The following PLEKHA6 variants were observed in gnomAD, a reference collection of about 807,000 sequenced individuals.
The protein encoded by PLEKHA6 is pleckstrin homology domain containing A6, also known as pleckstrin homology domain-containing family A member 6.
A neutral mutation model predicts 116.7 loss-of-function variants in PLEKHA6; 60 were observed. The ratio of observed to expected loss-of-function variants is 0.51; its 90% CI spans 0.42 to 0.64. PLEKHA6 has a LOEUF of 0.64. PLEKHA6 is among the 30% of genes least tolerant of loss of function. The pLI, the probability that PLEKHA6 is intolerant of heterozygous loss-of-function variation, is 0.00. For missense variants in PLEKHA6, 1,338 were observed against 1,422.7 expected, an observed-to-expected ratio of 0.94 and a Z score of 0.96; for synonymous variants, 489 against 556.1, an observed-to-expected ratio of 0.88 and a Z score of 1.70.
upstream of PLEKHA6, among the ~76,000 whole-genome samples, chr1:204,364,497 C>T (rs1415203745): frequency 2.0e-5 from 3 of 152,134 alleles, no homozygotes; most frequent in East Asian, 1.9e-4. Context: ...TTGCTAAAAG[C>T]GGGATGATAG....
At chr1:204,310,954 A>G (rs1671636162) in intron 1 of PLEKHA6, among the ~76,000 whole-genome samples, 1 of 152,190 alleles carries the variant, frequency 6.6e-6, no homozygotes, top group Non-Finnish European at 1.5e-5. Flanking sequence ...CCTAATTCCA[A>G]TCTCTAGTGC....
chr1:204,328,629 G>T (rs200151556), intron 1 of PLEKHA6, among the ~76,000 whole-genome samples: 2 of 151,970 alleles, frequency 1.3e-5, no homozygotes, highest in African/African-American at 4.8e-5. Context: ...CAGGTGATCC[G>T]TCAGCCTCAG....
chr1:204,359,530 C>T (rs78057803), intron 1 of PLEKHA6, 164 bp downstream of exon 1: 5 of 807,668 alleles, frequency 6.2e-6, no homozygotes, highest in Admixed American at 6.2e-5. Flanking sequence ...TTCTCAGCAT[C>T]CATGATCCCC....
At chr1:204,290,391 A>G (rs1012957224) in intron 1 of PLEKHA6, among the ~76,000 whole-genome samples, 2 of 152,240 alleles carry the variant, frequency 1.3e-5, no homozygotes, top group South Asian at 2.1e-4. Flanking sequence ...ATTTTGGTCA[A>G]TTGGTTTTTG....
chr1:204,299,589 A>G (rs535440743), intron 1 of PLEKHA6: 5 of 977,794 alleles, frequency 5.1e-6, no homozygotes, highest in African/African-American at 3.5e-5. Flanking sequence ...GAGGACAGCC[A>G]TTATTGAGGG....
intron 15 of PLEKHA6, among the ~76,000 whole-genome samples, chr1:204,243,748 T>C (rs1225481577): frequency 6.6e-6 from 1 of 152,226 alleles, no homozygotes; most frequent in African/African-American, 2.4e-5. Flanking sequence ...TCTTGGTCCA[T>C]AGGATGCTGG....
intron 1 of PLEKHA6, chr1:204,282,572 G>T: frequency 1.1e-6 from 1 of 894,274 alleles, no homozygotes; most frequent in Non-Finnish European, 1.3e-6. Flanking sequence ...CAAGACTCCA[G>T]GCCAGCATCC....
intron 17 of PLEKHA6, among the ~76,000 whole-genome samples, chr1:204,233,005 G>A (rs1661409658): frequency 6.6e-6 from 1 of 151,962 alleles, no homozygotes; most frequent in Non-Finnish European, 1.5e-5. Context: ...GTCTCACTAT[G>A]TTGCCCACAC....
chr1:204,303,580 T>G (rs1411917015), intron 1 of PLEKHA6, among the ~76,000 whole-genome samples: 23 of 152,212 alleles, frequency 1.5e-4, no homozygotes, highest in Non-Finnish European at 2.9e-5. Flanking sequence ...TTCTGGCAGC[T>G]GGGCACCTGT....
intron 3 of PLEKHA6, among the ~76,000 whole-genome samples, chr1:204,366,997 C>T (rs911670150): frequency 2.0e-5 from 3 of 152,204 alleles, no homozygotes; most frequent in East Asian, 1.9e-4. Context: ...TGGGCAGAGG[C>T]GCTTCACCAT....
At chr1:204,333,011 G>A (rs1332675115) in intron 1 of PLEKHA6, among the ~76,000 whole-genome samples, 2 of 152,210 alleles carry the variant, frequency 1.3e-5, no homozygotes, top group African/African-American at 4.8e-5. Flanking sequence ...TAGGGAGGAG[G>A]AGGCAGGTTT....
At chr1:204,325,876 G>A (rs1672224169) in intron 1 of PLEKHA6, 1 of 981,150 alleles carries the variant, frequency 1.0e-6, no homozygotes, top group South Asian at 4.7e-5. Context: ...AGCATGGGGA[G>A]AAGTAGTAGC....
intron 17 of PLEKHA6, among the ~76,000 whole-genome samples, chr1:204,237,815 T>C (rs1382767160): frequency 6.6e-6 from 1 of 152,276 alleles, no homozygotes; most frequent in East Asian, 1.9e-4. Flanking sequence ...TTCCGCAAGA[T>C]ATCACACTGG....
At position 204,248,975 on chromosome 1, in the gene PLEKHA6, A is replaced by G; in HGVS notation, c.1675-5T>C. 1 of 1,613,758 alleles carries G rather than the reference A, an allele frequency of 6.2e-7. No individual in the cohort carries two copies. Among genetic ancestry groups the G allele is most frequent in the Non-Finnish European group, 8.5e-7 (1 of 1,179,808 alleles). ...CAAGGCACTTTCCAGGCTCTCCTGA[A>G]GAAAGGCAGGGGAATGACATGAGCA... On this transcript the variant is annotated splice_region_variant and splice_polypyrimidine_tract_variant and intron_variant, in intron 11 of 22. Transcript: ENST00000272203.
Position 204,257,515 on chromosome 1 carries a change from G to A in PLEKHA6, c.1362C>T (p.His454=), listed in dbSNP as rs1264727446. 9 of 1,590,540 alleles carry A rather than the reference G, an allele frequency of 5.7e-6. No homozygotes were observed. The African/African-American group carries it at 9.4e-5, about 17-fold the overall frequency. ...LRRLSLQPRS[H]SVPRSPSQGS... ...CCTGGCTGGGTGAGCGGGGCACAGA[G>A]TGGGAGCGGGGCTGCAGGGACAGGC... The change falls in exon 9 of 23, where the codon CAC becomes CAT. Residue 454 remains histidine, a synonymous_variant. Coordinates refer to ENST00000272203, the MANE Select transcript of PLEKHA6 (RefSeq NM_014935.5). The surrounding 1 kb of genome is among the most constrained non-coding windows in gnomAD (Gnocchi z 6.5).
At chr1:204,300,872 GCCGCA>G (rs1670746618) in intron 1 of PLEKHA6, among the ~76,000 whole-genome samples, 1 of 152,168 alleles carries the variant, frequency 6.6e-6, no homozygotes, top group Non-Finnish European at 1.5e-5. Context: ...GCAATACAGA[GCCGCA>G]ATGCTTTCAT....
chr1:204,269,059 G>T (rs1326773674), intron 3 of PLEKHA6, among the ~76,000 whole-genome samples: 1 of 151,940 alleles, frequency 6.6e-6, no homozygotes, highest in Non-Finnish European at 1.5e-5. Context: ...GCACTCCAGC[G>T]ATGCTCCCAG....
intron 9 of PLEKHA6, among the ~76,000 whole-genome samples, chr1:204,251,136 G>A (rs373982843): frequency 1.6e-4 from 25 of 152,182 alleles, no homozygotes; most frequent in African/African-American, 5.8e-4. Flanking sequence ...TAGCCTGGAC[G>A]CCACATCTGG....
chr1:204,346,164 G>A (rs1440017527), intron 1 of PLEKHA6, among the ~76,000 whole-genome samples: 2 of 152,190 alleles, frequency 1.3e-5, no homozygotes, highest in African/African-American at 4.8e-5. Context: ...AGGGAGCAAG[G>A]AAGACTACTG....
Sources: gnomAD v4.1 joint callset for allele counts (sites outside exome capture counted in the v4.1 genomes callset) on GRCh38, gnomAD v4.1.1 for gene constraint, Gnocchi (gnomAD v3.1) non-coding constraint, MANE v1.5 for transcripts, NCBI Gene and HGNC (gene_info 2026-07-23, HGNC 2026-07-21) for gene names.